The following BMPER variants were observed in gnomAD, a reference collection of about 807,000 sequenced individuals.
The protein encoded by BMPER is BMP binding endothelial regulator.
In BMPER, 45 loss-of-function variants were observed where a neutral mutation model predicts 87.3. The ratio of observed to expected loss-of-function variants is 0.52; its 90% confidence interval spans 0.41 to 0.66. The LOEUF (loss-of-function observed/expected upper bound fraction) is 0.66, where lower values mean the gene tolerates loss of function less well. Ranked by LOEUF, BMPER falls within the 30% of genes least tolerant of loss-of-function variation. The probability of loss-of-function intolerance (pLI) is 0.00; values close to 1 mark genes in which losing one functional copy is unlikely to be tolerated. For synonymous variants in BMPER, 326 were observed against 316.2 expected (o/e 1.03, Z -0.33); for missense variants, 784 against 867.5 (o/e 0.90, Z 1.21).
intron 13 of BMPER, among the ~76,000 whole-genome samples, chr7:34,119,014 T>TCTCACACACAAA (rs66493349): frequency 2.2e-5 from 3 of 135,794 alleles, no homozygotes; most frequent in African/African-American, 7.9e-5. Flanking sequence ...TCTCTCTCTC[T>TCTCACACACAAA]CACACACACA....
chr7:34,119,012 T>TCACACACACACACACACA (rs781255103), intron 13 of BMPER, among the ~76,000 whole-genome samples: 9 of 33,002 alleles, frequency 2.7e-4, no homozygotes, highest in East Asian at 3.5e-3. Context: ...TCTCTCTCTC[T>TCACACACACACACACACA]CTCACACACA....
At chr7:33,949,759 T>C (rs1179863646) in intron 3 of BMPER, among the ~76,000 whole-genome samples, 2 of 152,146 alleles carry the variant, frequency 1.3e-5, no homozygotes, top group African/African-American at 2.4e-5. Context: ...AGGTTGTTAA[T>C]ACGTTTTTCA....
In BMPER at chr7:34,143,313, A is replaced by G. The variant is rs1434289592; in HGVS notation, c.1829A>G (p.Gln610Arg). The change falls in exon 14 of 15, where the codon CAG becomes CGG. Residue 610 changes from glutamine (Q) to arginine (R), a missense_variant. Transcript: ENST00000649409. ...TTTTTGGCATATACCCGGGCCTGCC[A>G]GAGAGAGGGCATCAAAGTCCACTGG... ...ESFLAYTRACQREGIKVHWEP... is the reference protein window; with the variant it reads ...ESFLAYTRACRREGIKVHWEP... 3.1e-6 allele frequency: 5 copies of G among 1,613,972 alleles called. No individual in the cohort carries two copies. Among genetic ancestry groups the G allele is most frequent in the Non-Finnish European group, 3.4e-6 (4 of 1,179,974 alleles).
chr7:33,919,160 T>G (rs552375284), intron 2 of BMPER, among the ~76,000 whole-genome samples: 1 of 152,342 alleles, frequency 6.6e-6, no homozygotes, highest in South Asian at 2.1e-4. Flanking sequence ...TGCATGTTAA[T>G]GGGTCATGTT....
In BMPER at chr7:34,024,413, A is replaced by AC. The variant is rs1484576098; in HGVS notation, c.577-21893_577-21892insC. 6.7e-4 allele frequency among the ~76,000 whole-genome samples: 33 copies of AC among 49,200 alleles called. 3 individuals carry two copies. Among genetic ancestry groups the AC allele is most frequent in the Admixed American group, 1.7e-3 (7 of 4,018 alleles). 32.3% of individuals were successfully genotyped at this position (49,200 alleles called of 152,430 possible). ...TATATATATATATATATATATATAT[A>AC]TATATATATATATATATATATGTTG... On this transcript the variant is annotated intron_variant, in intron 6 of 14. Coordinates refer to ENST00000649409, the MANE Select transcript of BMPER (RefSeq NM_001365308.1).
intron 13 of BMPER, among the ~76,000 whole-genome samples, chr7:34,141,007 A>G (rs1790851412): frequency 6.6e-6 from 1 of 152,174 alleles, no homozygotes; most frequent in Admixed American, 6.5e-5. Flanking sequence ...CTACTGGGAA[A>G]GTGAAGTAGG....
chr7:34,093,219 T>G (rs1789438680), intron 13 of BMPER, among the ~76,000 whole-genome samples: 1 of 152,200 alleles, frequency 6.6e-6, no homozygotes, highest in Non-Finnish European at 1.5e-5. Context: ...CCTCACCTCG[T>G]GGCATCATGG....
chr7:34,147,452 T>C (rs532893361), intron 14 of BMPER, among the ~76,000 whole-genome samples: 2 of 152,258 alleles, frequency 1.3e-5, no homozygotes, highest in South Asian at 2.1e-4. Flanking sequence ...CTAACCACTT[T>C]GGCAGATCCC....
chr7:34,012,923 A>G (rs1585736608), intron 6 of BMPER, among the ~76,000 whole-genome samples: 1 of 152,078 alleles, frequency 6.6e-6, no homozygotes, highest in East Asian at 2.0e-4. Flanking sequence ...ATATTAAAAA[A>G]TATAAAAACT....
intron 12 of BMPER, among the ~76,000 whole-genome samples, chr7:34,081,458 T>C (rs1789045751): frequency 6.6e-6 from 1 of 152,220 alleles, no homozygotes; most frequent in Admixed American, 6.5e-5. Context: ...GCACTTACGA[T>C]GGGATTATTT....
At position 34,124,260 on chromosome 7, in the gene BMPER, G is replaced by A. The variant is rs138912995; in HGVS notation, c.1746-18970G>A. ...CTACTTCCACAACTCAGCTTCCTCT[G>A]TGCAGCCAAAGTGATTTTGAAAATT... On this transcript the variant is annotated intron_variant, in intron 13 of 14. Coordinates refer to ENST00000649409, the MANE Select transcript of BMPER (RefSeq NM_001365308.1). 1.3e-3 allele frequency among the ~76,000 whole-genome samples: 199 copies of A among 152,108 alleles called. 1 individual carries two copies. The highest frequency in any genetic ancestry group is 2.1e-3 in the Admixed American group (32 of 15,284).
At chr7:34,012,488 C>CA (rs1562688681) in intron 6 of BMPER, among the ~76,000 whole-genome samples, 1 of 151,672 alleles carries the variant, frequency 6.6e-6, no homozygotes, top group Non-Finnish European at 1.5e-5. Context: ...AGCTGTCTGC[C>CA]AAAAAAGAGC....
chr7:33,917,428 A>G (rs185468984), intron 2 of BMPER, among the ~76,000 whole-genome samples: 1 of 151,940 alleles, frequency 6.6e-6, no homozygotes, highest in Admixed American at 6.6e-5. Context: ...ATGTTAGGTA[A>G]TGGGTGGTAC....
intron 7 of BMPER, among the ~76,000 whole-genome samples, chr7:34,047,851 A>G (rs577377886): frequency 1.3e-3 from 62 of 47,292 alleles, no homozygotes; most frequent in African/African-American, 5.0e-3. Context: ...TTCTCTTTCT[A>G]TCATTTTGTC....
At position 34,055,210 on chromosome 7, in the gene BMPER, T is replaced by G; in HGVS notation, c.834T>G (p.Cys278Trp). Residue 278 changes from cysteine to tryptophan, a missense_variant, in exon 9 of 15, where the codon TGT (cysteine) becomes TGG (tryptophan). By Grantham distance (215) the Cys-to-Trp change is radical (BLOSUM62 -2). Transcript: ENST00000649409. ...GGAAGTGCTCCCACCCTGGTGGCTGTGACCAAGGCCAGGAGGGCTGTTGTG... is the reference window on the plus strand; with the variant it reads ...GGAAGTGCTCCCACCCTGGTGGCTGGGACCAAGGCCAGGAGGGCTGTTGTG... ...CKRKCSHPGG[C>W]DQGQEGCCEE... is the part of the protein sequence containing the mutation. 1.2e-6 allele frequency: 2 copies of G among 1,614,170 alleles called. No homozygotes were observed. The highest frequency in any genetic ancestry group is 1.7e-6 in the Non-Finnish European group (2 of 1,180,026).
intron 3 of BMPER, among the ~76,000 whole-genome samples, chr7:33,941,720 T>A (rs1032349545): frequency 6.6e-6 from 1 of 152,170 alleles, no homozygotes; most frequent in Non-Finnish European, 1.5e-5. Flanking sequence ...ATGTGAGCGA[T>A]GGGGATCAGC....
intron 6 of BMPER, among the ~76,000 whole-genome samples, chr7:34,027,150 A>G (rs539199468): frequency 2.0e-5 from 3 of 152,284 alleles, no homozygotes; most frequent in East Asian, 3.9e-4. Context: ...AAGCATTTAT[A>G]TAAGTCAGCA....
At position 34,058,050 on chromosome 7, in the gene BMPER, C is replaced by T. The variant is rs368025429; in HGVS notation, c.928-9C>T. The T allele has an allele frequency of 1.2e-6, 2 of 1,613,278 alleles. No homozygotes were observed. The highest frequency in any genetic ancestry group is 2.7e-5 in the African/African-American group (2 of 74,900). ...AGCTGCTGACAGGATCCTGTGCCCT[C>T]TCTTGTAGGATGGAGAGATGTGGTC... On this transcript the variant is annotated splice_polypyrimidine_tract_variant and intron_variant, in intron 9 of 14. Transcript: ENST00000649409.
chr7:34,141,869 G>GT (rs1408049733), intron 13 of BMPER, among the ~76,000 whole-genome samples: 3 of 152,064 alleles, frequency 2.0e-5, no homozygotes, highest in Non-Finnish European at 1.5e-5. Flanking sequence ...CCTTGAATCT[G>GT]TTTTTTGCTG....
Sources: gnomAD v4.1 joint callset for allele counts (sites outside exome capture counted in the v4.1 genomes callset) on GRCh38, gnomAD v4.1.1 for gene constraint, MANE v1.5 for transcripts, NCBI Gene and HGNC (gene_info 2026-07-23, HGNC 2026-07-21) for gene names.